Variants in MSR1 observed in about 807,000 individuals in gnomAD.
The protein encoded by MSR1 is macrophage scavenger receptor types I and II.
MSR1 carries 53 observed loss-of-function variants against 47.2 expected under a neutral mutation model. The ratio of observed to expected loss-of-function variants is 1.12; its 90% CI spans 0.90 to 1.41. MSR1 has a LOEUF of 1.41. MSR1 is among the 40% of genes most tolerant of loss of function. The probability of loss-of-function intolerance (pLI) is 0.00; values close to 1 mark genes in which losing one functional copy is unlikely to be tolerated. For synonymous variants in MSR1, 239 were observed against 185.6 expected (o/e 1.29, Z -2.34); for missense variants, 786 against 546.9 (o/e 1.44, Z -4.36).
intron 4 of MSR1, among the ~76,000 whole-genome samples, 174 bp downstream of exon 4, chr8:16,168,284 C>A (rs1801374689): frequency 6.6e-6 from 1 of 152,098 alleles, no homozygotes; most frequent in South Asian, 2.1e-4. Context: ...GAAGGCGAAT[C>A]CATTTTAAAT....
At chr8:16,175,049 A>T (rs898596414) in intron 3 of MSR1, 138 bp downstream of exon 3, 1 of 717,316 alleles carries the variant, frequency 1.4e-6, no homozygotes, top group Non-Finnish European at 2.4e-6. Context: ...TAACTTAACA[A>T]ATTTGAAGGA....
chr8:16,148,008 C>T (rs188344374), intron 7 of MSR1, among the ~76,000 whole-genome samples: 3 of 152,280 alleles, frequency 2.0e-5, no homozygotes, highest in Admixed American at 2.0e-4. Flanking sequence ...GCTGTTTTAA[C>T]ACATCCTCCT....
intron 2 of MSR1, among the ~76,000 whole-genome samples, chr8:16,175,568 C>T (rs907154095): frequency 2.6e-5 from 4 of 152,108 alleles, no homozygotes; most frequent in African/African-American, 9.7e-5. Flanking sequence ...CTTGTTTGAT[C>T]TTTTGGAATC....
chr8:16,190,076 G>C (rs980138130), intron 1 of MSR1, among the ~76,000 whole-genome samples: 2 of 151,558 alleles, frequency 1.3e-5, no homozygotes, highest in Admixed American at 1.3e-4. Context: ...ACCATGCCCA[G>C]CTCATTTTTG....
At position 16,171,050 on chromosome 8, in the gene MSR1, C is replaced by T. The variant is rs534000995; in HGVS notation, c.218-2180G>A. The stretch of plus-strand genomic sequence containing the variant: ...ACCAGCCTGGCAAACATGGTGAAAC[C>T]CCGTCTCTACTAAGAATACAAAAAT... On this transcript the variant is annotated intron_variant, in intron 3 of 9. Coordinates refer to ENST00000262101, the MANE Select transcript of MSR1 (RefSeq NM_138715.3). Among the ~76,000 whole-genome samples, 8 of 151,882 alleles carry T rather than the reference C, an allele frequency of 5.3e-5. No homozygotes were observed. The East Asian group carries it at 1.5e-3, about 29-fold the overall frequency.
At chr8:16,118,278 A>G (rs887314310) in intron 9 of MSR1, among the ~76,000 whole-genome samples, 1 of 152,184 alleles carries the variant, frequency 6.6e-6, no homozygotes, top group African/African-American at 2.4e-5. Flanking sequence ...GGTGACTAAG[A>G]GCATGGATAA....
At chr8:16,140,779 G>A (rs113657162) in intron 8 of MSR1, 3 of 1,457,572 alleles carry the variant, frequency 2.1e-6, no homozygotes, top group Non-Finnish European at 2.7e-6. Context: ...TGATGGTGGA[G>A]TAATTGGAGT....
chr8:16,112,864 C>G lies in MSR1; in HGVS notation c.1223-2646G>C, dbSNP rs1283008399. Among the ~76,000 whole-genome samples the G allele has an allele frequency of 2.0e-5, 3 of 151,174 alleles. No homozygotes were observed. In the East Asian group the frequency reaches 5.8e-4, roughly 29 times the overall value. ...TCTCTCTCATCTTTCCACCTATATA[C>G]CTAGCCATATATATATCTATGATTT... On this transcript the variant is annotated intron_variant, in intron 9 of 9. Coordinates refer to ENST00000262101, the MANE Select transcript of MSR1 (RefSeq NM_138715.3).
At chr8:16,187,539 T>G (rs923745195) in intron 1 of MSR1, among the ~76,000 whole-genome samples, 2 of 152,192 alleles carry the variant, frequency 1.3e-5, no homozygotes, top group African/African-American at 2.4e-5. Context: ...TTGTCTATCA[T>G]CTGTCTTCTC....
intron 1 of MSR1, among the ~76,000 whole-genome samples, chr8:16,191,085 C>G (rs569016167): frequency 6.6e-6 from 1 of 152,082 alleles, no homozygotes; most frequent in Non-Finnish European, 1.5e-5. Flanking sequence ...TGTGATCCTC[C>G]TTATTATATA....
intron 6 of MSR1, among the ~76,000 whole-genome samples, chr8:16,154,589 A>G (rs1800947480): frequency 6.6e-6 from 1 of 152,030 alleles, no homozygotes; most frequent in Admixed American, 6.6e-5. Context: ...TAAGAAATAT[A>G]GTCCAATTTG....
chr8:16,137,311 C>T (rs1230480664), intron 8 of MSR1, among the ~76,000 whole-genome samples: 1 of 152,102 alleles, frequency 6.6e-6, no homozygotes, highest in Non-Finnish European at 1.5e-5. Context: ...TAAAGAATAA[C>T]TGAGAATGCT....
intron 9 of MSR1, among the ~76,000 whole-genome samples, chr8:16,115,578 G>A (rs1425107134): frequency 1.3e-5 from 2 of 152,068 alleles, no homozygotes; most frequent in East Asian, 1.9e-4. Flanking sequence ...AACAAATAAT[G>A]TTGGTTCTAT....
At chr8:16,134,265 T>C (rs1450647296) in intron 8 of MSR1, among the ~76,000 whole-genome samples, 2 of 152,164 alleles carry the variant, frequency 1.3e-5, no homozygotes, top group Non-Finnish European at 2.9e-5. Context: ...TTGTTCTTAG[T>C]GCATCAAATT....
chr8:16,143,369 T>G (rs191083687), intron 8 of MSR1, among the ~76,000 whole-genome samples, 189 bp downstream of exon 8: 1 of 151,924 alleles, frequency 6.6e-6, no homozygotes. Flanking sequence ...ATTGAAAGAG[T>G]TGTATAATAT....
At chr8:16,179,720 A>C (rs1801768111) in intron 1 of MSR1, among the ~76,000 whole-genome samples, 4 of 147,448 alleles carry the variant, frequency 2.7e-5, no homozygotes, top group African/African-American at 1.0e-4. Context: ...CTCTACTAAA[A>C]ATACAAAACA....
chr8:16,189,386 ATCT>A (rs1802105256), intron 1 of MSR1, among the ~76,000 whole-genome samples: 1 of 97,484 alleles, frequency 1.0e-5, no homozygotes, highest in Non-Finnish European at 1.8e-5. Context: ...TATATATAAA[ATCT>A]TATTTTATAT....
At chr8:16,116,208 T>C (rs567415019) in intron 9 of MSR1, among the ~76,000 whole-genome samples, 20 of 152,210 alleles carry the variant, frequency 1.3e-4, no homozygotes, top group Non-Finnish European at 2.5e-4. Context: ...GCTTTCCATA[T>C]GCTAGTTAAC....
At chr8:16,129,678 G>A (rs2170115) in intron 8 of MSR1, among the ~76,000 whole-genome samples, 6,073 of 152,068 alleles carry the variant, frequency 0.04, 214 homozygotes, top group East Asian at 0.13. Context: ...AGGACAGGAG[G>A]CAGAGATTAC....
Sources: allele counts gnomAD v4.1 joint callset (sites outside exome capture counted in the v4.1 genomes callset), GRCh38; gene constraint gnomAD v4.1.1; transcripts MANE v1.5; gene names NCBI Gene and HGNC (gene_info 2026-07-23, HGNC 2026-07-21).